FBXL7: variants seen among roughly 807,000 people sequenced by gnomAD.
FBXL7 encodes F-box and leucine rich repeat protein 7.
In FBXL7, 12 loss-of-function variants were observed where a neutral mutation model predicts 38.3. The observed-to-expected ratio is 0.31, with a 90% CI of 0.20 to 0.51. The LOEUF is 0.51. FBXL7 is among the 20% of genes least tolerant of loss of function. FBXL7 has a pLI of 0.98. For missense variants in FBXL7, 567 were observed against 676.4 expected (o/e 0.84, Z 1.79); for synonymous variants, 297 against 300.9 (o/e 0.99, Z 0.13).
intron 2 of FBXL7, among the ~76,000 whole-genome samples, chr5:15,888,839 T>G (rs1311090608): frequency 6.6e-6 from 1 of 152,126 alleles, no homozygotes; most frequent in Non-Finnish European, 1.5e-5. Context: ...TTGGATAAAT[T>G]GAAATTACTT....
At chr5:15,749,762 T>C (rs1736109294) in intron 2 of FBXL7, among the ~76,000 whole-genome samples, 2 of 152,218 alleles carry the variant, frequency 1.3e-5, no homozygotes, top group Non-Finnish European at 2.9e-5. Context: ...TATATCTGAG[T>C]GCCCTGTGGC....
chr5:15,851,769 C>T (rs980893510), intron 2 of FBXL7, among the ~76,000 whole-genome samples: 3 of 151,804 alleles, frequency 2.0e-5, no homozygotes, highest in East Asian at 1.9e-4. Context: ...TTGCTATTCT[C>T]ACGCAAATAA....
intron 2 of FBXL7, among the ~76,000 whole-genome samples, chr5:15,828,233 T>A (rs912289680): frequency 9.2e-5 from 14 of 152,258 alleles, no homozygotes; most frequent in Non-Finnish European, 1.9e-4. Flanking sequence ...TAGGTATTGT[T>A]GCTGGCTATT....
rs140154047 is a variant in FBXL7, at chr5:15,849,585, C to A, written c.128-78305C>A. ...TTGTCTGCCACCATGTAAGACGTGTCTTTCACCTTCTGCCATGAGTGTGAG... is the reference window on the plus strand; with the variant it reads ...TTGTCTGCCACCATGTAAGACGTGTATTTCACCTTCTGCCATGAGTGTGAG... On this transcript the variant is annotated intron_variant, in intron 2 of 3. Transcript: ENST00000504595. Among the ~76,000 whole-genome samples, 83 of 152,302 alleles carry A rather than the reference C, an allele frequency of 5.4e-4. 3 individuals carry two copies. In the East Asian group the frequency reaches 0.01, roughly 19 times the overall value.
chr5:15,613,669 G>T (rs372244545), intron 1 of FBXL7, among the ~76,000 whole-genome samples: 1 of 152,066 alleles, frequency 6.6e-6, no homozygotes, highest in African/African-American at 2.4e-5. Flanking sequence ...AGCCTGTATT[G>T]TTCGGTGACT....
At chr5:15,658,982 C>A (rs943814410) in intron 2 of FBXL7, among the ~76,000 whole-genome samples, 1 of 152,100 alleles carries the variant, frequency 6.6e-6, no homozygotes, top group African/African-American at 2.4e-5. Context: ...GGACTTCTTG[C>A]CACTGCCATG....
intron 2 of FBXL7, among the ~76,000 whole-genome samples, chr5:15,881,971 C>A (rs547039852): frequency 3.3e-5 from 5 of 152,264 alleles, no homozygotes; most frequent in South Asian, 4.1e-4. Flanking sequence ...AACTTACAAT[C>A]ATGATGGAAG....
At chr5:15,813,292 C>T (rs1444810942) in intron 2 of FBXL7, among the ~76,000 whole-genome samples, 1 of 152,102 alleles carries the variant, frequency 6.6e-6, no homozygotes, top group Non-Finnish European at 1.5e-5. Context: ...ACCATCTGCT[C>T]TTTGACAAAT....
chr5:15,717,516 G>T (rs1440606485), intron 2 of FBXL7, among the ~76,000 whole-genome samples: 2 of 152,238 alleles, frequency 1.3e-5, no homozygotes, highest in Non-Finnish European at 2.9e-5. Flanking sequence ...CAGATATTCT[G>T]ATGCCCATAG....
intron 2 of FBXL7, among the ~76,000 whole-genome samples, chr5:15,621,966 C>G (rs1835128): frequency 0.32 from 48,097 of 151,854 alleles, 8,071 homozygotes; most frequent in East Asian, 0.45. Flanking sequence ...CATTGTGTTA[C>G]GTGCTAAAAG....
chr5:15,768,275 T>C (rs1413676130), intron 2 of FBXL7, among the ~76,000 whole-genome samples: 1 of 152,170 alleles, frequency 6.6e-6, no homozygotes, highest in Non-Finnish European at 1.5e-5. Flanking sequence ...CTCACACCTG[T>C]AATCCCAGCA....
intron 2 of FBXL7, among the ~76,000 whole-genome samples, chr5:15,663,142 T>C (rs965928344): frequency 6.6e-6 from 1 of 152,192 alleles, no homozygotes; most frequent in Admixed American, 6.5e-5. Flanking sequence ...GCATGGGATG[T>C]TTTTCCATTT....
At chr5:15,691,708 C>G (rs921627839) in intron 2 of FBXL7, among the ~76,000 whole-genome samples, 1 of 152,136 alleles carries the variant, frequency 6.6e-6, no homozygotes, top group Non-Finnish European at 1.5e-5. Flanking sequence ...ATGATTTACC[C>G]CAGAGTGTTA....
intron 2 of FBXL7, among the ~76,000 whole-genome samples, chr5:15,814,172 C>T (rs1486928472): frequency 6.6e-6 from 1 of 152,128 alleles, no homozygotes; most frequent in Non-Finnish European, 1.5e-5. Flanking sequence ...GACTTGGAAC[C>T]AACCCAAATG....
chr5:15,570,402 T>G (rs992025080), intron 1 of FBXL7, among the ~76,000 whole-genome samples: 1 of 152,236 alleles, frequency 6.6e-6, no homozygotes, highest in South Asian at 2.1e-4. Context: ...TATTCTCTGA[T>G]CGTAGTTTGT....
chr5:15,599,696 C>G (rs1739736184), intron 1 of FBXL7, among the ~76,000 whole-genome samples: 1 of 152,122 alleles, frequency 6.6e-6, no homozygotes, highest in Non-Finnish European at 1.5e-5. Flanking sequence ...CAGGGCTCCC[C>G]CAGTTATTAA....
intron 1 of FBXL7, among the ~76,000 whole-genome samples, chr5:15,522,866 T>C (rs1300961644): frequency 6.6e-6 from 1 of 152,224 alleles, no homozygotes; most frequent in African/African-American, 2.4e-5. Flanking sequence ...AACTCTAAGG[T>C]ATGAAATATG....
intron 2 of FBXL7, among the ~76,000 whole-genome samples, chr5:15,686,943 A>G (rs545139174): frequency 5.9e-5 from 9 of 152,214 alleles, no homozygotes; most frequent in East Asian, 1.9e-4. Flanking sequence ...GACAATCTCT[A>G]TCTGGGCCAG....
intron 1 of FBXL7, among the ~76,000 whole-genome samples, chr5:15,505,186 C>A (rs1347011555): frequency 1.3e-5 from 2 of 152,206 alleles, no homozygotes; most frequent in Non-Finnish European, 2.9e-5. Flanking sequence ...TTATTGAAAG[C>A]TTTCTATGTC....
Sources: allele counts gnomAD v4.1 joint callset (sites outside exome capture counted in the v4.1 genomes callset), GRCh38; gene constraint gnomAD v4.1.1; transcripts MANE v1.5; gene names NCBI Gene and HGNC (gene_info 2026-07-23, HGNC 2026-07-21).